HDX: variants seen among roughly 807,000 people sequenced by gnomAD.
HDX encodes the protein highly divergent homeobox.
HDX carries 19 observed loss-of-function variants against 45.2 expected under a neutral mutation model. That is an observed-to-expected ratio of 0.42 (90% CI 0.29 to 0.62). HDX has a LOEUF of 0.62. Ranked by LOEUF, HDX falls within the 20% of genes least tolerant of loss-of-function variation. HDX has a pLI of 0.20. For missense variants in HDX, 532 were observed against 493.9 expected (o/e 1.08, Z -0.73); for synonymous variants, 188 against 172.8 (o/e 1.09, Z -0.69).
In HDX at chrX:84,459,007, T is replaced by A. The variant is rs1188212239; in HGVS notation, c.1251+9465A>T. Among the ~76,000 whole-genome samples the A allele has an allele frequency of 3.6e-5, 4 of 112,169 alleles. No homozygotes were observed. The East Asian group carries it at 1.1e-3, about 31-fold the overall frequency. On this transcript the variant is annotated intron_variant, in intron 4 of 10. Coordinates refer to ENST00000373177, the MANE Select transcript of HDX (RefSeq NM_001177479.2). ...CCTACCAAAAAAGTGTTTTAAAAAT[T>A]CAGAAAATGGAATTATATCAAGTAT...
intron 4 of HDX, among the ~76,000 whole-genome samples, chrX:84,458,450 T>G (rs2040163798): frequency 8.9e-6 from 1 of 112,163 alleles, no homozygotes; most frequent in South Asian, 3.7e-4. Flanking sequence ...ATAATTTAAG[T>G]TTTAAAACAT....
chrX:84,428,970 C>A (rs190398123), intron 5 of HDX, among the ~76,000 whole-genome samples: 30 of 110,336 alleles, frequency 2.7e-4, no homozygotes, highest in African/African-American at 9.8e-4. Context: ...GAAAAGACTA[C>A]CCTGTTTCCA....
intron 5 of HDX, among the ~76,000 whole-genome samples, chrX:84,409,640 G>C (rs1292357250): frequency 1.0e-5 from 1 of 97,553 alleles, no homozygotes; most frequent in African/African-American, 3.8e-5. Flanking sequence ...ACCAAACACC[G>C]CATGTTCTCA....
At chrX:84,351,395 G>A (rs1251133160) in intron 6 of HDX, among the ~76,000 whole-genome samples, 1 of 110,627 alleles carries the variant, frequency 9.0e-6, no homozygotes, top group African/African-American at 3.3e-5. Flanking sequence ...CTTTGCGGAG[G>A]TGGGGGCATC....
At chrX:84,442,800 A>G (rs1231611112) in intron 4 of HDX, among the ~76,000 whole-genome samples, 1 of 111,282 alleles carries the variant, frequency 9.0e-6, no homozygotes. Flanking sequence ...AATTGACCAT[A>G]TAGAATTTCT....
intron 5 of HDX, among the ~76,000 whole-genome samples, chrX:84,417,659 T>C (rs2039147197): frequency 1.8e-5 from 2 of 112,085 alleles, no homozygotes; most frequent in African/African-American, 3.2e-5. Flanking sequence ...CAGGTTTGTA[T>C]GGCTTGGAGA....
chrX:84,459,604 TTAGA>T (rs1406148419), intron 4 of HDX, among the ~76,000 whole-genome samples: 3 of 108,837 alleles, frequency 2.8e-5, no homozygotes, highest in African/African-American at 1.0e-4. Context: ...TAGAGAAAAT[TTAGA>T]TAGACAACTA....
intron 4 of HDX, among the ~76,000 whole-genome samples, chrX:84,447,598 A>G (rs1029794534): frequency 3.6e-5 from 4 of 110,349 alleles, no homozygotes; most frequent in Non-Finnish European, 7.6e-5. Flanking sequence ...CCCCCCACAC[A>G]CCAAGTCCTA....
chrX:84,323,784 C>T (rs183355235), intron 10 of HDX, among the ~76,000 whole-genome samples: 19 of 112,241 alleles, frequency 1.7e-4, no homozygotes, highest in South Asian at 3.6e-4. Flanking sequence ...CAGATACTAA[C>T]GTGAATACGA....
At chrX:84,461,624 T>C (rs1181453319) in intron 4 of HDX, among the ~76,000 whole-genome samples, 2 of 111,305 alleles carry the variant, frequency 1.8e-5, no homozygotes, top group East Asian at 5.7e-4. Context: ...TCTTGAGCAA[T>C]ACTCCACAAG....
At chrX:84,376,291 A>G (rs1368523175) in intron 5 of HDX, among the ~76,000 whole-genome samples, 2 of 112,330 alleles carry the variant, frequency 1.8e-5, no homozygotes, top group Admixed American at 9.4e-5. Context: ...GCTTCAGGTG[A>G]GACTCAGCAC....
At chrX:84,461,733 A>T (rs1435867581) in intron 4 of HDX, among the ~76,000 whole-genome samples, 1 of 111,707 alleles carries the variant, frequency 9.0e-6, no homozygotes, top group East Asian at 2.8e-4. Flanking sequence ...GAGACAACAC[A>T]CAGAATGGGA....
intron 6 of HDX, among the ~76,000 whole-genome samples, chrX:84,349,315 C>G (rs1338857420): frequency 2.0e-4 from 22 of 108,898 alleles, no homozygotes; most frequent in African/African-American, 7.4e-4. Flanking sequence ...GAACTGACAA[C>G]TTCTAGGCTC....
At chrX:84,332,757 C>T (rs2036872803) in intron 9 of HDX, among the ~76,000 whole-genome samples, 1 of 111,414 alleles carries the variant, frequency 9.0e-6, no homozygotes, top group Non-Finnish European at 1.9e-5. Flanking sequence ...ACTTATAATT[C>T]TGTTAGTTGA....
At chrX:84,386,585 C>T (rs2038325609) in intron 5 of HDX, among the ~76,000 whole-genome samples, 2 of 111,580 alleles carry the variant, frequency 1.8e-5, no homozygotes, top group Admixed American at 1.9e-4. Flanking sequence ...TCATAGAAGA[C>T]TGTGTGTTTA....
intron 5 of HDX, among the ~76,000 whole-genome samples, chrX:84,425,859 GA>G (rs902835687): frequency 1.6e-4 from 17 of 107,009 alleles, no homozygotes; most frequent in Non-Finnish European, 2.7e-4. Context: ...GTTAATGTGT[GA>G]AAAAAAAATA....
chrX:84,392,151 A>C lies in HDX; in HGVS notation c.1306-30539T>G, dbSNP rs369279811. ...TTGCATACGAATATTTGATTTTCCA[A>C]GCACCATTTATTAAAGAGACTATCA... On this transcript the variant is annotated intron_variant, in intron 5 of 10. Coordinates refer to ENST00000373177, the MANE Select transcript of HDX (RefSeq NM_001177479.2). Among the ~76,000 whole-genome samples the C allele has an allele frequency of 1.2e-4, 13 of 111,791 alleles. No homozygotes were observed. The East Asian group carries it at 1.4e-3, about 12-fold the overall frequency.
chrX:84,448,300 A>G (rs902093176), intron 4 of HDX, among the ~76,000 whole-genome samples: 2 of 110,867 alleles, frequency 1.8e-5, no homozygotes, highest in African/African-American at 3.3e-5. Flanking sequence ...GGACTCACCC[A>G]CCCATCCAGG....
At chrX:84,462,763 A>G (rs1263937287) in intron 4 of HDX, among the ~76,000 whole-genome samples, 2 of 111,536 alleles carry the variant, frequency 1.8e-5, no homozygotes, top group South Asian at 3.7e-4. Context: ...AATTTTCTCT[A>G]CTGAAAAGTA....
Sources: gnomAD v4.1 joint callset for allele counts (sites outside exome capture counted in the v4.1 genomes callset) on GRCh38, gnomAD v4.1.1 for gene constraint, MANE v1.5 for transcripts, NCBI Gene and HGNC (gene_info 2026-07-23, HGNC 2026-07-21) for gene names.